PGM2L1: variants seen among roughly 807,000 people sequenced by gnomAD.
PGM2L1 encodes the protein glucose 1,6-bisphosphate synthase.
In PGM2L1, 35 loss-of-function variants were observed where a neutral mutation model predicts 73.4. The observed-to-expected ratio is 0.48, with a 90% CI of 0.36 to 0.63. The LOEUF (loss-of-function observed/expected upper bound fraction) is 0.63, where lower values mean the gene tolerates loss of function less well. PGM2L1 is among the 30% of genes least tolerant of loss of function. The probability of loss-of-function intolerance (pLI) is 0.00; values close to 1 mark genes in which losing one functional copy is unlikely to be tolerated. For synonymous variants in PGM2L1, 225 were observed against 253.8 expected (o/e 0.89, Z 1.08); for missense variants, 570 against 742.0 (o/e 0.77, Z 2.69).
chr11:74,337,785 A>C (rs1862119827), intron 13 of PGM2L1, among the ~76,000 whole-genome samples: 1 of 152,206 alleles, frequency 6.6e-6, no homozygotes, highest in Non-Finnish European at 1.5e-5. Flanking sequence ...ATAGAAATTC[A>C]ATACAATTTT....
intron 1 of PGM2L1, among the ~76,000 whole-genome samples, chr11:74,384,023 A>G (rs1413977621): frequency 6.6e-6 from 1 of 151,744 alleles, no homozygotes; most frequent in Non-Finnish European, 1.5e-5. Context: ...AGTTTAGGAA[A>G]TTTCATAGTA....
At chr11:74,391,102 A>G (rs1863095581) in intron 1 of PGM2L1, among the ~76,000 whole-genome samples, 1 of 152,096 alleles carries the variant, frequency 6.6e-6, no homozygotes, top group African/African-American at 2.4e-5. Context: ...TTAGACCATA[A>G]CTTAACTTAC....
In PGM2L1 at chr11:74,370,938, C is replaced by G; in HGVS notation, c.435G>C (p.Val145=). 6.2e-7 allele frequency: 1 copy of G among 1,612,604 alleles called. No homozygotes were observed. The highest frequency in any genetic ancestry group is 8.5e-7 in the Non-Finnish European group (1 of 1,178,988). ...TAGGAACATATCTTGAAAAAAGGTACACAGGAACATCTTTGGCCAGCAAGA... is the reference window on the plus strand; with the variant it reads ...TAGGAACATATCTTGAAAAAAGGTAGACAGGAACATCTTTGGCCAGCAAGA... ...AAVLLAKDVP[V]YLFSRYVPTP... The change falls in exon 4 of 14, where the codon GTG becomes GTC. Residue 145 remains valine (V), a synonymous_variant. Coordinates refer to ENST00000298198, the MANE Select transcript of PGM2L1 (RefSeq NM_173582.6).
chr11:74,347,508 G>A (rs535802182), intron 6 of PGM2L1, among the ~76,000 whole-genome samples, 171 bp from the exon 7 acceptor site: 1 of 152,318 alleles, frequency 6.6e-6, no homozygotes, highest in Admixed American at 6.5e-5. Context: ...AAGATCAAGA[G>A]TTTTAATTCA....
At chr11:74,366,872 AAAGTTCATATTCT>A in intron 5 of PGM2L1, among the ~76,000 whole-genome samples, 1 of 152,310 alleles carries the variant, frequency 6.6e-6, no homozygotes, top group East Asian at 1.9e-4. Flanking sequence ...TTTAAGCAGG[AAAGTTCATATTCT>A]AAGAGATCAT....
intron 6 of PGM2L1, among the ~76,000 whole-genome samples, chr11:74,350,760 C>T (rs1164503897): frequency 6.6e-6 from 1 of 152,066 alleles, no homozygotes. Context: ...GCTTGTAGTC[C>T]CAGCTACTTC....
intron 10 of PGM2L1, 98 bp downstream of exon 10, chr11:74,343,225 C>T: frequency 1.4e-6 from 2 of 1,411,734 alleles, no homozygotes; most frequent in South Asian, 3.1e-5. Context: ...GTTTTTACAA[C>T]TCAAAATATG....
intron 4 of PGM2L1, among the ~76,000 whole-genome samples, chr11:74,370,536 T>C (rs1184751039): frequency 6.6e-6 from 1 of 152,148 alleles, no homozygotes; most frequent in African/African-American, 2.4e-5. Flanking sequence ...GTAAATCCTA[T>C]TGTCACTCAA....
At chr11:74,358,545 C>A (rs1468494362) in intron 5 of PGM2L1, among the ~76,000 whole-genome samples, 2 of 152,140 alleles carry the variant, frequency 1.3e-5, no homozygotes, top group Non-Finnish European at 2.9e-5. Context: ...GGTATGACCA[C>A]CTTGAATAGG....
intron 1 of PGM2L1, among the ~76,000 whole-genome samples, chr11:74,375,244 A>T (rs540559272): frequency 6.6e-6 from 1 of 152,364 alleles, no homozygotes; most frequent in African/African-American, 2.4e-5. Context: ...ATTCATTCCA[A>T]ACACGGTTTG....
In PGM2L1 at chr11:74,330,520, GA is replaced by G; in HGVS notation, c.*6131del. ...GAACTACTGCTACACACTTTAGTCA[GA>G]AAAATAATTCATTCTTGACTGCATA... On this transcript the variant is annotated 3_prime_UTR_variant, in exon 14 of 14. Coordinates refer to ENST00000298198, the MANE Select transcript of PGM2L1 (RefSeq NM_173582.6). The G allele has an allele frequency of 6.6e-6, 1 of 152,652 alleles. No homozygotes were observed. Among genetic ancestry groups the G allele is most frequent in the East Asian group, 1.9e-4 (1 of 5,180 alleles). The allele number at this position is 152,652 out of a possible 1,614,324, so 9.5% of individuals were successfully genotyped here.
rs566971908 is a variant in PGM2L1, at chr11:74,382,489, CTATTTTTATTTT to C, written c.112-7919_112-7908del. Reference sequence around the variant, plus strand: ...GTTAGCTTCCACTGCACTGTATTTACTATTTTTATTTTTATTTTTATTTTTTTGAGGCAGAGT... The same window carrying C: ...GTTAGCTTCCACTGCACTGTATTTACTATTTTTATTTTTTTGAGGCAGAGT... On this transcript the variant is annotated intron_variant, in intron 1 of 13. Transcript: ENST00000298198. Among the ~76,000 whole-genome samples the C allele has an allele frequency of 2.2e-3, 334 of 152,168 alleles. 1 individual carries two copies. The highest frequency in any genetic ancestry group is 7.7e-3 in the African/African-American group (320 of 41,528).
intron 2 of PGM2L1, among the ~76,000 whole-genome samples, chr11:74,373,254 G>C (rs1196999652): frequency 6.6e-6 from 1 of 152,170 alleles, no homozygotes; most frequent in Non-Finnish European, 1.5e-5. Flanking sequence ...GAGACTAAAT[G>C]TATAAGAAAA....
intron 5 of PGM2L1, chr11:74,355,716 C>A: frequency 2.0e-6 from 1 of 512,318 alleles, no homozygotes; most frequent in South Asian, 1.4e-5. Flanking sequence ...GCAGCAGCAG[C>A]AGATTTTAAT....
At position 74,337,930 on chromosome 11, in the gene PGM2L1, T is replaced by A. The variant is rs188206825; in HGVS notation, c.1766+538A>T. On this transcript the variant is annotated intron_variant, in intron 13 of 13. Coordinates refer to ENST00000298198, the MANE Select transcript of PGM2L1 (RefSeq NM_173582.6). ...ACCTAAGAGAAATGAAAACATACATTCACACAAAAACCTGTATGTAAATGT... is the reference window on the plus strand; with the variant it reads ...ACCTAAGAGAAATGAAAACATACATACACACAAAAACCTGTATGTAAATGT... Among the ~76,000 whole-genome samples, 133 of 152,222 alleles carry A rather than the reference T, an allele frequency of 8.7e-4. 1 individual carries two copies. The highest frequency in any genetic ancestry group is 2.9e-4 in the Non-Finnish European group (20 of 68,004).
intron 1 of PGM2L1, among the ~76,000 whole-genome samples, chr11:74,383,322 C>T (rs906592180): frequency 6.6e-6 from 1 of 151,846 alleles, no homozygotes; most frequent in Admixed American, 6.6e-5. Context: ...TTGTAAAATA[C>T]ACATAAATGC....
At position 74,338,524 on chromosome 11, in the gene PGM2L1, A is replaced by G. The variant is rs3867270; in HGVS notation, c.1710T>C (p.Ser570=). The stretch of plus-strand genomic sequence containing the variant: ...AATACTTTATCTTTGGTTCTGTTCC[A>G]CTTGTCCGAAGGGTAGCAACACAGC... The part of the protein sequence containing the change: ...QNGCVATLRT[S]GTEPKIKYYA... Residue 570 remains serine (S), a synonymous_variant, in exon 13 of 14, where the codon AGT becomes AGC. Coordinates refer to ENST00000298198, the MANE Select transcript of PGM2L1 (RefSeq NM_173582.6). The G allele has an allele frequency of 0.62, 998,727 of 1,602,052 alleles. 318,147 individuals carry two copies. Among genetic ancestry groups the G allele is most frequent in the East Asian group, 0.76 (34,056 of 44,790 alleles).
At chr11:74,374,688 T>C (rs1862830966) in intron 1 of PGM2L1, 106 bp from the exon 2 acceptor site, 1 of 948,878 alleles carries the variant, frequency 1.1e-6, no homozygotes, top group Non-Finnish European at 1.5e-6. Context: ...CAACATTCAA[T>C]ATAAATTCCA....
rs1862089265 is a variant in PGM2L1, at chr11:74,335,959, T to G, written c.*693A>C. 1 of 152,632 alleles carries G rather than the reference T, an allele frequency of 6.6e-6. No homozygotes were observed. Among genetic ancestry groups the G allele is most frequent in the Non-Finnish European group, 1.5e-5 (1 of 68,038 alleles). 9.5% of individuals were successfully genotyped at this position (152,632 alleles called of 1,614,324 possible). On this transcript the variant is annotated 3_prime_UTR_variant, in exon 14 of 14. Coordinates refer to ENST00000298198, the MANE Select transcript of PGM2L1 (RefSeq NM_173582.6). ...AGACCCTGAGAAGGCACTGAGAAAT[T>G]TGATAAGAACAAAGCCAATAGGAGT...
Sources: gnomAD v4.1 joint callset for allele counts (sites outside exome capture counted in the v4.1 genomes callset) on GRCh38, gnomAD v4.1.1 for gene constraint, MANE v1.5 for transcripts, NCBI Gene and HGNC (gene_info 2026-07-23, HGNC 2026-07-21) for gene names.